NAT2: variants seen among roughly 807,000 people sequenced by gnomAD.
NAT2 encodes arylamine N-acetyltransferase 2.
For missense variants in NAT2, 428 were observed against 339.1 expected (o/e 1.26, Z -2.06); for synonymous variants, 137 against 125.9 (o/e 1.09, Z -0.59).
upstream of NAT2, among the ~76,000 whole-genome samples, chr8:18,388,705 C>T (rs1800545828): frequency 6.6e-6 from 1 of 152,112 alleles, no homozygotes. Context: ...ACATAACTAA[C>T]TCTAATGCTT....
At chr8:18,392,205 G>A (rs537444911) in intron 1 of NAT2, among the ~76,000 whole-genome samples, 1 of 152,162 alleles carries the variant, frequency 6.6e-6, no homozygotes, top group East Asian at 1.9e-4. Context: ...GGACCCTTTA[G>A]AGGGCCAGAA....
intron 1 of NAT2, among the ~76,000 whole-genome samples, chr8:18,393,576 G>C (rs779279867): frequency 1.3e-4 from 20 of 152,190 alleles, no homozygotes; most frequent in Admixed American, 7.2e-4. Flanking sequence ...CAATGTCCCA[G>C]ATTTCCCTGG....
At chr8:18,399,954 T>C (rs1266452470) in intron 1 of NAT2, 44 bp from the exon 2 acceptor site, 7 of 1,513,062 alleles carry the variant, frequency 4.6e-6, no homozygotes, top group Non-Finnish European at 6.2e-6. Flanking sequence ...GGAAATCAAA[T>C]GCTAAAGTAT....
chr8:18,390,368 T>G (rs1800573069), upstream of NAT2, among the ~76,000 whole-genome samples: 1 of 151,930 alleles, frequency 6.6e-6, no homozygotes, highest in Non-Finnish European at 1.5e-5. Flanking sequence ...AAGTTAAGAG[T>G]TGTTACTGGA....
In NAT2 at chr8:18,400,260, C is replaced by T; in HGVS notation, c.257C>T (p.Thr86Ile). The T allele has an allele frequency of 1.9e-6, 3 of 1,612,714 alleles. No individual in the cohort carries two copies. Among genetic ancestry groups the T allele is most frequent in the Non-Finnish European group, 2.5e-6 (3 of 1,179,232 alleles). ...GCTCTGACCACAATCGGTTTTCAGA[C>T]CACAATGTTAGGAGGGTATTTTTAC... ...YWALTTIGFQ[T>I]TMLGGYFYIP... The change falls in exon 2 of 2, where the codon ACC (threonine) becomes ATC (isoleucine). Residue 86 changes from threonine to isoleucine, a missense_variant. Thr to Ile is a moderately conservative substitution (Grantham distance 89). Coordinates refer to ENST00000286479, the MANE Select transcript of NAT2 (RefSeq NM_000015.3).
At chr8:18,391,253 C>T (rs1800587388), upstream of NAT2, 1 of 152,152 alleles carries the variant, frequency 6.6e-6, no homozygotes, top group Non-Finnish European at 1.5e-5. Flanking sequence ...AGTGAGATCA[C>T]TTCCCTTGCA....
Position 18,400,574 on chromosome 8 carries a change from T to C in NAT2, c.571T>C (p.Leu191=). ...AAAGAAGAAACACCAAAAAATATACTTATTTACGCTTGAACCTCGAACAAT... is the reference window on the plus strand; with the variant it reads ...AAAGAAGAAACACCAAAAAATATACCTATTTACGCTTGAACCTCGAACAAT... ...LPKKKHQKIY[L]FTLEPRTIED... is the part of the protein sequence containing the mutation. Residue 191 remains leucine, a synonymous_variant, in exon 2 of 2, where the codon TTA becomes CTA. Coordinates refer to ENST00000286479, the MANE Select transcript of NAT2 (RefSeq NM_000015.3). The C allele has an allele frequency of 1.2e-6, 2 of 1,612,422 alleles. No homozygotes were observed. The highest frequency in any genetic ancestry group is 1.7e-6 in the Non-Finnish European group (2 of 1,179,602).
Position 18,400,505 on chromosome 8 carries a change from C to G in NAT2, c.502C>G (p.Gln168Glu). The G allele has an allele frequency of 6.2e-7, 1 of 1,613,374 alleles. No homozygotes were observed. Among genetic ancestry groups the G allele is most frequent in the African/African-American group, 1.3e-5 (1 of 74,932 alleles). The change falls in exon 2 of 2, where the codon CAG becomes GAG. Residue 168 changes from glutamine (Q) to glutamate (E), a missense_variant. Transcript: ENST00000286479. ...GTACCTGGACCAAATCAGGAGAGAG[C>G]AGTATATTACAAACAAAGAATTTCT... is the stretch of plus-strand genomic sequence containing the variant. Reference protein sequence around the residue: ...IWYLDQIRREQYITNKEFLNS... With the variant: ...IWYLDQIRREEYITNKEFLNS...
At position 18,400,250 on chromosome 8, in the gene NAT2, G is replaced by A. The variant is rs746734312; in HGVS notation, c.247G>A (p.Gly83Ser). The A allele has an allele frequency of 6.2e-6, 10 of 1,612,268 alleles. No individual in the cohort carries two copies. Among genetic ancestry groups the A allele is most frequent in the South Asian group, 3.3e-5 (3 of 90,892 alleles). The change falls in exon 2 of 2, where the codon GGT becomes AGT. Residue 83 changes from glycine to serine, a missense_variant. Coordinates refer to ENST00000286479, the MANE Select transcript of NAT2 (RefSeq NM_000015.3). ...TCTGTACTGGGCTCTGACCACAATC[G>A]GTTTTCAGACCACAATGTTAGGAGG... is the stretch of plus-strand genomic sequence containing the variant. ...QLLYWALTTI[G>S]FQTTMLGGYF...
chr8:18,386,793 C>A (rs1800512102), upstream of NAT2, among the ~76,000 whole-genome samples: 1 of 151,864 alleles, frequency 6.6e-6, no homozygotes, highest in African/African-American at 2.4e-5. Context: ...ACAGAGAAGA[C>A]TGGAGGGCCG....
rs775647826 is a variant in NAT2 at position 18,399,997 on chromosome 8, G to C, written c.-6-1G>C. 6.4e-7 allele frequency: 1 copy of C among 1,559,634 alleles called. No individual in the cohort carries two copies. The highest frequency in any genetic ancestry group is 1.4e-5 in the African/African-American group (1 of 72,642). ...TTTTATGTTTTGTTTTTCTTGCTTAGGGGATCATGGACATTGAAGCATATT... is the reference window on the plus strand; with the variant it reads ...TTTTATGTTTTGTTTTTCTTGCTTACGGGATCATGGACATTGAAGCATATT... On this transcript the variant is annotated splice_acceptor_variant, in intron 1 of 1. Transcript: ENST00000286479. LOFTEE classifies it low-confidence loss of function (5UTR_SPLICE).
At chr8:18,396,571 T>G (rs1800695778) in intron 1 of NAT2, among the ~76,000 whole-genome samples, 1 of 152,136 alleles carries the variant, frequency 6.6e-6, no homozygotes, top group South Asian at 2.1e-4. Context: ...AATTTTTGTA[T>G]TTTTAGTAGA....
chr8:18,390,559 A>G (rs1281595566), upstream of NAT2, among the ~76,000 whole-genome samples: 1 of 152,114 alleles, frequency 6.6e-6, no homozygotes, highest in Non-Finnish European at 1.5e-5. Flanking sequence ...TACAATTGTT[A>G]TGTGTCAAAA....
intron 1 of NAT2, among the ~76,000 whole-genome samples, chr8:18,393,182 T>G (rs1800618824): frequency 6.6e-6 from 1 of 152,068 alleles, no homozygotes; most frequent in African/African-American, 2.4e-5. Flanking sequence ...TAAAACAAGT[T>G]TCACATACTA....
intron 1 of NAT2, among the ~76,000 whole-genome samples, chr8:18,395,067 A>G (rs1585136620): frequency 6.6e-6 from 1 of 152,218 alleles, no homozygotes; most frequent in South Asian, 2.1e-4. Flanking sequence ...AGATTATTTC[A>G]GTCTTCTATT....
upstream of NAT2, among the ~76,000 whole-genome samples, chr8:18,390,001 C>G (rs1281901072): frequency 6.6e-6 from 1 of 152,208 alleles, no homozygotes. Context: ...AGGCTGCCTG[C>G]AAAGAAAGGG....
intron 1 of NAT2, among the ~76,000 whole-genome samples, chr8:18,399,303 G>A (rs571302342): frequency 5.3e-4 from 80 of 152,232 alleles, no homozygotes; most frequent in African/African-American, 1.9e-3. Flanking sequence ...CTCTCCCTGT[G>A]CACCCACTAA....
At chr8:18,388,391 A>G (rs923540796), upstream of NAT2, among the ~76,000 whole-genome samples, 2 of 147,032 alleles carry the variant, frequency 1.4e-5, no homozygotes, top group African/African-American at 5.0e-5. Context: ...GAGAAGATTT[A>G]TTTTCAGTTT....
rs776854665 is a variant in NAT2, at chr8:18,400,173, A to G, written c.170A>G (p.Asp57Gly). 6.2e-7 allele frequency: 1 copy of G among 1,613,906 alleles called. No homozygotes were observed. Residue 57 changes from aspartate to glycine, a missense_variant, in exon 2 of 2, where the codon GAT becomes GGT. Transcript: ENST00000286479. ...AMELGLEAIF[D>G]HIVRRNRGGW... Reference sequence around the variant, plus strand: ...GAGTTGGGCTTAGAGGCTATTTTTGATCACATTGTAAGAAGAAACCGGGGT... The same window carrying G: ...GAGTTGGGCTTAGAGGCTATTTTTGGTCACATTGTAAGAAGAAACCGGGGT...
Sources: gnomAD v4.1 joint callset for allele counts (sites outside exome capture counted in the v4.1 genomes callset) on GRCh38, gnomAD v4.1.1 for gene constraint, MANE v1.5 for transcripts, NCBI Gene and HGNC (gene_info 2026-07-23, HGNC 2026-07-21) for gene names.